The following FGGY variants were observed in gnomAD, a reference collection of about 807,000 sequenced individuals.
The protein encoded by FGGY is FGGY carbohydrate kinase domain-containing protein.
In FGGY, 72 loss-of-function variants were observed where a neutral mutation model predicts 71.3. That is an observed-to-expected ratio of 1.01 (90% CI 0.84 to 1.23). The LOEUF is 1.23. Ranked by LOEUF, FGGY falls within the 50% of genes most tolerant of loss-of-function variation. The pLI is 0.00. For synonymous variants in FGGY, 251 were observed against 250.3 expected, an observed-to-expected ratio of 1.00 and a Z score of -0.02; for missense variants, 668 against 682.3, an observed-to-expected ratio of 0.98 and a Z score of 0.23.
intron 11 of FGGY, among the ~76,000 whole-genome samples, chr1:59,651,654 G>A (rs138778294): frequency 0.057 from 8,350 of 147,414 alleles, 658 homozygotes; most frequent in African/African-American, 0.18. Context: ...ATCTCTGCAC[G>A]TGAGATGGGT....
chr1:59,671,503 C>T (rs753910082), intron 13 of FGGY, among the ~76,000 whole-genome samples: 1 of 152,190 alleles, frequency 6.6e-6, no homozygotes, highest in Non-Finnish European at 1.5e-5. Context: ...GTGATCCCCA[C>T]TGGCCAGTCT....
At chr1:59,518,667 C>T (rs1457285339) in intron 7 of FGGY, among the ~76,000 whole-genome samples, 1 of 152,146 alleles carries the variant, frequency 6.6e-6, no homozygotes, top group Admixed American at 6.5e-5. Flanking sequence ...GTGTGTTGCA[C>T]CACCCCACTC....
At chr1:59,372,123 A>C (rs2057761570) in intron 4 of FGGY, among the ~76,000 whole-genome samples, 2 of 152,216 alleles carry the variant, frequency 1.3e-5, no homozygotes, top group African/African-American at 2.4e-5. Flanking sequence ...TGAATCCAGG[A>C]GCTGGTTTTT....
At chr1:59,428,133 G>GT (rs1478370324) in intron 5 of FGGY, among the ~76,000 whole-genome samples, 1 of 152,170 alleles carries the variant, frequency 6.6e-6, no homozygotes, top group Non-Finnish European at 1.5e-5. Flanking sequence ...TGCCTCTGTG[G>GT]TTTTATGATT....
intron 5 of FGGY, chr1:59,393,323 T>C (rs2060920302): frequency 6.6e-6 from 1 of 152,268 alleles, no homozygotes; most frequent in Non-Finnish European, 1.5e-5. Context: ...GAGGGACCTC[T>C]GCAGTGGATG....
intron 4 of FGGY, 72 bp downstream of exon 4, chr1:59,346,470 C>A: frequency 6.6e-7 from 1 of 1,522,716 alleles, no homozygotes; most frequent in South Asian, 1.2e-5. Context: ...CCTGTAGGTA[C>A]CAGGCACCCT....
At chr1:59,653,636 G>A (rs890303353) in intron 11 of FGGY, among the ~76,000 whole-genome samples, 6 of 152,204 alleles carry the variant, frequency 3.9e-5, no homozygotes, top group African/African-American at 1.2e-4. Context: ...GCACCCACTG[G>A]CCTGCGCCCA....
chr1:59,455,173 T>C (rs1241133344), intron 5 of FGGY, among the ~76,000 whole-genome samples: 2 of 152,080 alleles, frequency 1.3e-5, no homozygotes, highest in Non-Finnish European at 2.9e-5. Context: ...GTGGGAGAGA[T>C]GGTGAAATGA....
At chr1:59,605,374 T>G (rs1235595684) in intron 8 of FGGY, among the ~76,000 whole-genome samples, 2 of 152,176 alleles carry the variant, frequency 1.3e-5, no homozygotes, top group African/African-American at 4.8e-5. Context: ...ACCTGCGTAA[T>G]TGTTCACTCT....
chr1:59,748,312 G>A (rs574509518), intron 14 of FGGY, among the ~76,000 whole-genome samples: 1 of 152,204 alleles, frequency 6.6e-6, no homozygotes, highest in East Asian at 1.9e-4. Flanking sequence ...AGGGTTATGA[G>A]GAAAAGAAAA....
At chr1:59,436,888 C>T (rs1374217515) in intron 5 of FGGY, among the ~76,000 whole-genome samples, 1 of 152,146 alleles carries the variant, frequency 6.6e-6, no homozygotes, top group Admixed American at 6.5e-5. Context: ...CTGCCTAAGG[C>T]CACTGTCCTT....
At chr1:59,712,010 C>T (rs1382275500) in intron 14 of FGGY, among the ~76,000 whole-genome samples, 1 of 152,176 alleles carries the variant, frequency 6.6e-6, no homozygotes, top group Non-Finnish European at 1.5e-5. Context: ...TCATCTGAGA[C>T]AAGGCAAGTC....
At chr1:59,631,329 G>T (rs2096906727) in intron 10 of FGGY, among the ~76,000 whole-genome samples, 1 of 152,004 alleles carries the variant, frequency 6.6e-6, no homozygotes, top group African/African-American at 2.4e-5. Flanking sequence ...CTTCATTTCT[G>T]TCTATATTTT....
intron 8 of FGGY, among the ~76,000 whole-genome samples, chr1:59,605,627 T>C (rs1232009390): frequency 6.6e-6 from 1 of 152,222 alleles, no homozygotes; most frequent in Non-Finnish European, 1.5e-5. Flanking sequence ...AAACTGTCCT[T>C]ATTTGACAAA....
At chr1:59,514,571 C>T (rs750914922) in intron 7 of FGGY, among the ~76,000 whole-genome samples, 4 of 152,184 alleles carry the variant, frequency 2.6e-5, no homozygotes, top group Non-Finnish European at 5.9e-5. Context: ...GCTGTGTCCC[C>T]ATTCAAATCT....
At chr1:59,357,282 A>G (rs1056763492) in intron 4 of FGGY, among the ~76,000 whole-genome samples, 2 of 139,648 alleles carry the variant, frequency 1.4e-5, no homozygotes, top group South Asian at 2.5e-4. Context: ...AAAGGCAGAC[A>G]AAAGAAAAAA....
At chr1:59,751,576 C>CTA (rs2098245549) in intron 14 of FGGY, among the ~76,000 whole-genome samples, 1 of 152,164 alleles carries the variant, frequency 6.6e-6, no homozygotes, top group South Asian at 2.1e-4. Flanking sequence ...TAAAAGTACA[C>CTA]TATATGTCTA....
rs571996459 is a variant in FGGY at position 59,698,609 on chromosome 1, G to A, written c.1512+24476G>A. On this transcript the variant is annotated intron_variant, in intron 14 of 15. Transcript: ENST00000303721. ...TTTCAGCTCCCCTCTGAAGTTGGGC[G>A]TCTCTCTTTGCTGACCACTTGGGAA... 18 of 213,596 alleles carry A rather than the reference G, an allele frequency of 8.4e-5. No homozygotes were observed. In the East Asian group the frequency reaches 1.7e-3, roughly 20 times the overall value. 13.2% of individuals were successfully genotyped at this position (213,596 alleles called of 1,614,324 possible).
chr1:59,599,707 AG>A, intron 8 of FGGY, among the ~76,000 whole-genome samples: 1 of 149,906 alleles, frequency 6.7e-6, no homozygotes, highest in African/African-American at 2.4e-5. Flanking sequence ...AAAAAAAAAA[AG>A]GAATATGTAT....
Sources: gnomAD v4.1 joint callset for allele counts (sites outside exome capture counted in the v4.1 genomes callset) on GRCh38, gnomAD v4.1.1 for gene constraint, MANE v1.5 for transcripts, NCBI Gene and HGNC (gene_info 2026-07-23, HGNC 2026-07-21) for gene names.